The following ANTXR1 variants were observed in gnomAD, a reference collection of about 807,000 sequenced individuals.
ANTXR1 encodes ANTXR cell adhesion molecule 1.
Under a neutral mutation model 78.1 loss-of-function variants are expected in ANTXR1, and 19 were observed. That is an observed-to-expected ratio of 0.24 (90% CI 0.17 to 0.36). ANTXR1 has a LOEUF of 0.36. ANTXR1 is among the 10% of genes least tolerant of loss of function. The pLI, the probability that ANTXR1 is intolerant of heterozygous loss-of-function variation, is 1.00. For synonymous variants in ANTXR1, 273 were observed against 260.5 expected (o/e 1.05, Z -0.46); for missense variants, 518 against 718.6 (o/e 0.72, Z 3.19).
At chr2:69,057,216 A>G (rs1670096558) in intron 3 of ANTXR1, among the ~76,000 whole-genome samples, 1 of 152,204 alleles carries the variant, frequency 6.6e-6, no homozygotes, top group Non-Finnish European at 1.5e-5. Flanking sequence ...TTATAAACAA[A>G]GAGGAAATGA....
chr2:69,219,276 C>A (rs1026807576), intron 17 of ANTXR1, among the ~76,000 whole-genome samples: 1 of 151,946 alleles, frequency 6.6e-6, no homozygotes, highest in Admixed American at 6.6e-5. Flanking sequence ...CTTCTGTGTG[C>A]GTAGTCATCT....
chr2:69,039,769 G>C lies in ANTXR1; in HGVS notation c.153-275G>C, dbSNP rs959524678. On this transcript the variant is annotated intron_variant, in intron 1 of 17. Coordinates refer to ENST00000303714, the MANE Select transcript of ANTXR1 (RefSeq NM_032208.3). ...ATTTGTGAATCTCTTTGGGCCCAGCGTTTGTTGTTGCTGTTGTTGTTTTTC... is the reference window on the plus strand; with the variant it reads ...ATTTGTGAATCTCTTTGGGCCCAGCCTTTGTTGTTGCTGTTGTTGTTTTTC... Among the ~76,000 whole-genome samples the C allele has an allele frequency of 2.0e-5, 3 of 151,878 alleles. No individual in the cohort carries two copies. In the South Asian group the frequency reaches 6.2e-4, roughly 32 times the overall value.
intron 1 of ANTXR1, among the ~76,000 whole-genome samples, chr2:69,018,234 G>A (rs566342363): frequency 3.3e-5 from 5 of 152,152 alleles, no homozygotes; most frequent in Admixed American, 1.3e-4. Flanking sequence ...CTCCTTCCCC[G>A]TAAGACCTCC....
At chr2:69,219,591 T>C (rs1675267735) in intron 17 of ANTXR1, among the ~76,000 whole-genome samples, 1 of 152,222 alleles carries the variant, frequency 6.6e-6, no homozygotes, top group East Asian at 1.9e-4. Flanking sequence ...CCAGGCACTA[T>C]ATTATATGCT....
Position 69,071,806 on chromosome 2 carries a change from C to T in ANTXR1, c.412+19C>T. The T allele has an allele frequency of 6.2e-7, 1 of 1,610,372 alleles. No homozygotes were observed. Among genetic ancestry groups the T allele is most frequent in the Non-Finnish European group, 8.5e-7 (1 of 1,176,984 alleles). On this transcript the variant is annotated intron_variant, in intron 5 of 17. Coordinates refer to ENST00000303714, the MANE Select transcript of ANTXR1 (RefSeq NM_032208.3). ...AGACAAGGTAAGACTATAGTATGAA[C>T]TACCATTATGAATTATTTAACTTTT...
chr2:69,216,908 C>G (rs1052161819), intron 17 of ANTXR1, among the ~76,000 whole-genome samples: 4 of 152,232 alleles, frequency 2.6e-5, no homozygotes, highest in African/African-American at 9.6e-5. Context: ...CCAGCACTCT[C>G]TGGGTGCTGC....
At chr2:69,213,104 C>A (rs1204253718) in intron 17 of ANTXR1, among the ~76,000 whole-genome samples, 1 of 151,848 alleles carries the variant, frequency 6.6e-6, no homozygotes, top group East Asian at 1.9e-4. Context: ...ACCACCACAC[C>A]TGGCTATTAC....
At chr2:69,228,202 G>A (rs1675510058) in intron 17 of ANTXR1, among the ~76,000 whole-genome samples, 1 of 152,156 alleles carries the variant, frequency 6.6e-6, no homozygotes, top group South Asian at 2.1e-4. Flanking sequence ...ATTATGATTG[G>A]AAAAAGGGAT....
rs78002756 is a variant in ANTXR1, at chr2:69,101,102, A to G, written c.704-1740A>G. Among the ~76,000 whole-genome samples, 51 of 152,272 alleles carry G rather than the reference A, an allele frequency of 3.3e-4. 1 individual carries two copies. The East Asian group carries it at 9.8e-3, about 29-fold the overall frequency. ...ATTGTGAAGGCCTCTTATACTTCTAAAAAGCATTCTTTTCTAACTTATACT... is the reference window on the plus strand; with the variant it reads ...ATTGTGAAGGCCTCTTATACTTCTAGAAAGCATTCTTTTCTAACTTATACT... On this transcript the variant is annotated intron_variant, in intron 9 of 17. Transcript: ENST00000303714.
intron 3 of ANTXR1, among the ~76,000 whole-genome samples, chr2:69,066,063 C>T (rs1171227549): frequency 6.6e-6 from 1 of 152,088 alleles, no homozygotes; most frequent in African/African-American, 2.4e-5. Flanking sequence ...GGAAGAGTAC[C>T]AGAGATGATA....
chr2:69,238,420 G>C (rs1675822311), intron 17 of ANTXR1, among the ~76,000 whole-genome samples: 1 of 152,162 alleles, frequency 6.6e-6, no homozygotes, highest in Admixed American at 6.5e-5. Context: ...AAGGATAAAT[G>C]CATAAATAAA....
chr2:69,163,257 A>G (rs1318578902), intron 13 of ANTXR1, among the ~76,000 whole-genome samples: 1 of 151,978 alleles, frequency 6.6e-6, no homozygotes, highest in Non-Finnish European at 1.5e-5. Context: ...TTCCTTCTGC[A>G]CTGGCTTAAA....
chr2:69,162,156 T>C (rs1307695862), intron 13 of ANTXR1, among the ~76,000 whole-genome samples: 1 of 152,130 alleles, frequency 6.6e-6, no homozygotes, highest in Non-Finnish European at 1.5e-5. Context: ...ATAGGAGATG[T>C]TTCCAGGGCC....
intron 13 of ANTXR1, among the ~76,000 whole-genome samples, chr2:69,163,175 C>A (rs951124414): frequency 6.6e-6 from 1 of 151,928 alleles, no homozygotes; most frequent in African/African-American, 2.4e-5. Context: ...AGAAACAAGA[C>A]GGAAGGAAGG....
At chr2:69,095,029 G>A (rs1671354774) in intron 9 of ANTXR1, among the ~76,000 whole-genome samples, 1 of 152,138 alleles carries the variant, frequency 6.6e-6, no homozygotes, top group Non-Finnish European at 1.5e-5. Flanking sequence ...GTCCAGGTCA[G>A]GAGAACTAAC....
chr2:69,206,073 G>A (rs978917716), intron 17 of ANTXR1, among the ~76,000 whole-genome samples: 5 of 152,140 alleles, frequency 3.3e-5, no homozygotes, highest in African/African-American at 1.2e-4. Flanking sequence ...AGAATCCACA[G>A]TGATGACAGA....
chr2:69,079,435 A>G (rs1670834469), intron 8 of ANTXR1, among the ~76,000 whole-genome samples: 1 of 152,150 alleles, frequency 6.6e-6, no homozygotes, highest in South Asian at 2.1e-4. Context: ...AACCAGGGAA[A>G]GGTGATGGGT....
chr2:69,245,384 C>T lies in ANTXR1; in HGVS notation c.1594C>T (p.Pro532Ser). 1 of 1,519,668 alleles carries T rather than the reference C, an allele frequency of 6.6e-7. No homozygotes were observed. The allele number at this position is 1,519,668 out of a possible 1,614,324, so 94.1% of individuals were successfully genotyped here. The change falls in exon 18 of 18, where the codon CCC becomes TCC. Residue 532 changes from proline to serine, a missense_variant. This residue lies in a region of ANTXR1 where 192 missense variants were observed against 230.2 expected (regional missense o/e 0.83). Coordinates refer to ENST00000303714, the MANE Select transcript of ANTXR1 (RefSeq NM_032208.3). The part of the protein sequence containing the change: ...PPPPPSAPTP[P>S]IPSPPSTLPP... ...CCCGCCCCCCAGCGCCCCTACCCCT[C>T]CCATCCCGTCCCCACCTTCCACCCT...
intron 14 of ANTXR1, among the ~76,000 whole-genome samples, chr2:69,173,788 C>T (rs539985458): frequency 6.6e-6 from 1 of 152,234 alleles, no homozygotes; most frequent in African/African-American, 2.4e-5. Context: ...TGGCTTAGCC[C>T]CAAGCAGCTC....
Sources: allele counts gnomAD v4.1 joint callset (sites outside exome capture counted in the v4.1 genomes callset), GRCh38; gene constraint gnomAD v4.1.1; regional missense constraint gnomAD v4.1.1; transcripts MANE v1.5; gene names NCBI Gene and HGNC (gene_info 2026-07-23, HGNC 2026-07-21).